The following OR7E24 variants were observed in gnomAD, a reference collection of about 807,000 sequenced individuals.
OR7E24 encodes the protein olfactory receptor family 7 subfamily E member 24.
For synonymous variants in OR7E24, 130 were observed against 157.5 expected (o/e 0.83, Z 1.31); for missense variants, 385 against 410.3 (o/e 0.94, Z 0.53).
chr19:9,216,192 C>T, the OR7E24 span, among the ~76,000 whole-genome samples: 6 of 152,146 alleles, frequency 3.9e-5, no homozygotes, highest in Admixed American at 6.5e-5. Context: ...GATCTGCCAC[C>T]CCCTGCACCC....
the OR7E24 span, chr19:9,235,611 C>T: frequency 8.3e-6 from 13 of 1,571,864 alleles, no homozygotes; most frequent in South Asian, 1.1e-4. Flanking sequence ...TCTGGTTCTC[C>T]CTGGTTCATA....
At chr19:9,232,080 A>G in the OR7E24 span, among the ~76,000 whole-genome samples, 1 of 152,174 alleles carries the variant, frequency 6.6e-6, no homozygotes, top group African/African-American at 2.4e-5. Context: ...TTCTTTTTTA[A>G]CAAAGAGCAG....
the OR7E24 span, among the ~76,000 whole-genome samples, chr19:9,221,420 C>T: frequency 1.5e-5 from 2 of 134,248 alleles, no homozygotes; most frequent in Admixed American, 7.6e-5. Flanking sequence ...GCGCGATCTC[C>T]GCTCGCTGCA....
At chr19:9,249,080 T>A (rs1188071664), upstream of OR7E24, among the ~76,000 whole-genome samples, 2 of 152,240 alleles carry the variant, frequency 1.3e-5, no homozygotes, top group Non-Finnish European at 2.9e-5. Context: ...TAAAGTGAAG[T>A]GTATTCTACA....
the OR7E24 span, chr19:9,235,140 C>A: frequency 9.7e-7 from 1 of 1,034,364 alleles, no homozygotes; most frequent in Non-Finnish European, 1.4e-6. Flanking sequence ...GACACAACAG[C>A]TACATGGAAG....
chr19:9,218,190 C>T, the OR7E24 span, among the ~76,000 whole-genome samples: 782 of 152,252 alleles, frequency 5.1e-3, 9 homozygotes, highest in East Asian at 0.07. Context: ...GGGACCAAAG[C>T]ATCAACTATA....
the OR7E24 span, chr19:9,212,643 A>G: frequency 1.3e-5 from 2 of 152,204 alleles, no homozygotes; most frequent in Non-Finnish European, 2.9e-5. Context: ...AAGGGATAGC[A>G]TGTCAGACTC....
the OR7E24 span, among the ~76,000 whole-genome samples, chr19:9,234,877 G>A: frequency 1.8e-4 from 28 of 152,314 alleles, no homozygotes; most frequent in Admixed American, 9.8e-4. Context: ...CTGCAGTTAT[G>A]TGGAAGGATC....
At chr19:9,212,864 T>C in the OR7E24 span, 1 of 152,218 alleles carries the variant, frequency 6.6e-6, no homozygotes, top group African/African-American at 2.4e-5. Context: ...GTGATTCTCC[T>C]GCCTCAGCCC....
the OR7E24 span, among the ~76,000 whole-genome samples, chr19:9,232,377 A>C: frequency 6.6e-6 from 1 of 152,020 alleles, no homozygotes; most frequent in African/African-American, 2.4e-5. Flanking sequence ...GTGTCTACTA[A>C]AAATACAAAA....
chr19:9,216,139 C>T, the OR7E24 span, among the ~76,000 whole-genome samples: 4 of 152,180 alleles, frequency 2.6e-5, no homozygotes, highest in Non-Finnish European at 4.4e-5. Flanking sequence ...ATTCAATTTC[C>T]TCCCACTGGG....
At position 9,251,676 on chromosome 19, in the gene OR7E24, C is replaced by T. The variant is rs774124315; in HGVS notation, c.633C>T (p.Phe211=). 2 of 1,613,796 alleles carry T rather than the reference C, an allele frequency of 1.2e-6. No individual in the cohort carries two copies. Among genetic ancestry groups the T allele is most frequent in the South Asian group, 2.2e-5 (2 of 91,062 alleles). The part of the protein sequence containing the change: ...QLLHLRCSDT[F]INEMVIYFMG... ...TCCACCTTAGGTGTTCCGACACCTT[C>T]ATCAATGAAATGGTCATATATTTCA... The change falls in exon 1 of 1, where the codon TTC becomes TTT. Residue 211 remains phenylalanine (F), a synonymous_variant. Coordinates refer to ENST00000456448, the MANE Select transcript of OR7E24 (RefSeq NM_001079935.2).
chr19:9,216,303 T>G, the OR7E24 span, among the ~76,000 whole-genome samples: 1 of 152,180 alleles, frequency 6.6e-6, no homozygotes, highest in Non-Finnish European at 1.5e-5. Flanking sequence ...GATGAAGAGG[T>G]TGACCTTCTC....
upstream of OR7E24, among the ~76,000 whole-genome samples, chr19:9,248,499 C>T (rs1286140370): frequency 1.3e-5 from 2 of 152,294 alleles, no homozygotes; most frequent in African/African-American, 2.4e-5. Context: ...TTCCCCCCCT[C>T]GAATCCGTGT....
At chr19:9,221,391 C>G in the OR7E24 span, among the ~76,000 whole-genome samples, 4 of 106,924 alleles carry the variant, frequency 3.7e-5, no homozygotes, top group Non-Finnish European at 7.0e-5. Context: ...CGCTCTGTCA[C>G]CCAGGCTGGA....
At chr19:9,218,249 A>G in the OR7E24 span, among the ~76,000 whole-genome samples, 9 of 147,338 alleles carry the variant, frequency 6.1e-5, no homozygotes, top group Non-Finnish European at 1.2e-4. Context: ...ATATAGACAT[A>G]AATTTAATAA....
chr19:9,230,002 A>G, the OR7E24 span, among the ~76,000 whole-genome samples: 2 of 151,838 alleles, frequency 1.3e-5, no homozygotes, highest in Non-Finnish European at 2.9e-5. Context: ...TAATAAGCCT[A>G]GACAGTCCCA....
the OR7E24 span, among the ~76,000 whole-genome samples, chr19:9,241,635 G>A: frequency 6.6e-6 from 1 of 152,100 alleles, no homozygotes; most frequent in African/African-American, 2.4e-5. Flanking sequence ...GTGGTGGTGG[G>A]TGCCTGTAAT....
chr19:9,247,225 G>C (rs1375610401), upstream of OR7E24: 2 of 364,120 alleles, frequency 5.5e-6, no homozygotes, highest in Non-Finnish European at 9.8e-6. Flanking sequence ...TGTTAATATG[G>C]GGCAGTCCTT....
Sources: allele counts gnomAD v4.1 joint callset (sites outside exome capture counted in the v4.1 genomes callset), GRCh38; gene constraint gnomAD v4.1.1; transcripts MANE v1.5; gene names NCBI Gene and HGNC (gene_info 2026-07-23, HGNC 2026-07-21).